RYR3: variants seen among roughly 807,000 people sequenced by gnomAD.
RYR3 encodes the protein brain ryanodine receptor-calcium release channel.
In RYR3, 207 loss-of-function variants were observed where a neutral mutation model predicts 584.3. The observed-to-expected ratio is 0.35, with a 90% confidence interval of 0.32 to 0.40. The LOEUF is 0.40. RYR3 is among the 10% of genes least tolerant of loss of function. RYR3 has a pLI of 1.00. For missense variants in RYR3, 5,616 were observed against 6,089.2 expected, an observed-to-expected ratio of 0.92 and a Z score of 2.59; for synonymous variants, 2,416 against 2,248.5, an observed-to-expected ratio of 1.07 and a Z score of -2.11.
intron 85 of RYR3, among the ~76,000 whole-genome samples, chr15:33,828,874 C>G (rs2077513266): frequency 6.6e-6 from 1 of 152,206 alleles, no homozygotes; most frequent in Admixed American, 6.5e-5. Flanking sequence ...GTACATGAAA[C>G]AGCCTTCTCC....
intron 59 of RYR3, among the ~76,000 whole-genome samples, chr15:33,756,939 G>T (rs1157673104): frequency 6.6e-6 from 1 of 152,138 alleles, no homozygotes; most frequent in Non-Finnish European, 1.5e-5. Context: ...CTGCAAGGGA[G>T]ACTGGGTGAT....
chr15:33,480,795 G>T (rs889274154), intron 2 of RYR3, among the ~76,000 whole-genome samples: 2 of 152,168 alleles, frequency 1.3e-5, no homozygotes, highest in Admixed American at 6.5e-5. Context: ...AATGTTTCAG[G>T]TGTCTTGAAA....
At chr15:33,537,291 T>C (rs1363334543) in intron 5 of RYR3, among the ~76,000 whole-genome samples, 2 of 152,228 alleles carry the variant, frequency 1.3e-5, no homozygotes, top group Non-Finnish European at 2.9e-5. Flanking sequence ...AGCCATCATC[T>C]AGGGAATTTC....
At chr15:33,546,856 G>A (rs1217072109) in intron 8 of RYR3, among the ~76,000 whole-genome samples, 1 of 152,018 alleles carries the variant, frequency 6.6e-6, no homozygotes, top group East Asian at 1.9e-4. Flanking sequence ...ACTAACTCTT[G>A]TCTCTAACAT....
At chr15:33,324,306 G>T (rs982642972) in intron 1 of RYR3, among the ~76,000 whole-genome samples, 1 of 152,132 alleles carries the variant, frequency 6.6e-6, no homozygotes, top group Non-Finnish European at 1.5e-5. Context: ...CTCACAGTAG[G>T]TTACCCTGTA....
intron 3 of RYR3, among the ~76,000 whole-genome samples, chr15:33,520,078 T>C (rs1384377940): frequency 6.6e-6 from 1 of 152,160 alleles, no homozygotes; most frequent in Non-Finnish European, 1.5e-5. Flanking sequence ...AAAAACCCCA[T>C]GTAAGTTGAA....
At chr15:33,543,573 T>C (rs1427892705) in intron 7 of RYR3, 49 bp from the exon 8 acceptor site, 47 of 1,179,896 alleles carry the variant, frequency 4.0e-5, no homozygotes, top group Non-Finnish European at 5.7e-5. Flanking sequence ...TATGCCATTC[T>C]CTTCATTAAA....
At position 33,475,933 on chromosome 15, in the gene RYR3, T is replaced by C. The variant is rs144885477; in HGVS notation, c.171+2395T>C. ...TAAAATAAGGAAAACTAATTACCTT[T>C]CAGGGGGACTGTGAAAATAAAGAGA... is the stretch of plus-strand genomic sequence containing the variant. On this transcript the variant is annotated intron_variant, in intron 2 of 103. Transcript: ENST00000634891. 8.5e-3 allele frequency among the ~76,000 whole-genome samples: 1,290 copies of C among 152,308 alleles called. 12 individuals are homozygous for C. Among genetic ancestry groups the C allele is most frequent in the African/African-American group, 0.029 (1,215 of 41,566 alleles).
chr15:33,789,982 C>CCTT (rs1477277865), intron 67 of RYR3, among the ~76,000 whole-genome samples: 2 of 93,352 alleles, frequency 2.1e-5, no homozygotes, highest in African/African-American at 4.7e-5. Flanking sequence ...CCACGCCTGG[C>CCTT]CTTCTTTTTT....
At chr15:33,772,292 T>G (rs1026669473) in intron 63 of RYR3, 134 bp downstream of exon 63, 14 of 570,788 alleles carry the variant, frequency 2.5e-5, no homozygotes, top group Non-Finnish European at 4.4e-5. Flanking sequence ...TTTCTTAGAT[T>G]AAAAAAGAAG....
intron 32 of RYR3, among the ~76,000 whole-genome samples, chr15:33,659,091 T>G (rs2152700963): frequency 6.6e-6 from 1 of 152,232 alleles, no homozygotes; most frequent in South Asian, 2.1e-4. Flanking sequence ...ATGACTGTGG[T>G]GGGGGCAGAG....
chr15:33,477,677 C>T (rs891300607), intron 2 of RYR3, among the ~76,000 whole-genome samples: 8 of 150,578 alleles, frequency 5.3e-5, no homozygotes, highest in Admixed American at 5.3e-4. Context: ...AGATGGAGAC[C>T]ATCCTGGCTA....
intron 89 of RYR3, 96 bp from the exon 90 acceptor site, chr15:33,840,729 A>G: frequency 9.3e-7 from 1 of 1,074,662 alleles, no homozygotes. Flanking sequence ...AAAGCCATTG[A>G]AATTTGTGAC....
chr15:33,470,341 C>A (rs2048829602), intron 1 of RYR3, among the ~76,000 whole-genome samples: 1 of 151,746 alleles, frequency 6.6e-6, no homozygotes, highest in African/African-American at 2.4e-5. Flanking sequence ...GTGAGGCCTA[C>A]AAAAGGAAAA....
intron 1 of RYR3, among the ~76,000 whole-genome samples, chr15:33,439,327 A>C (rs1241116509): frequency 6.6e-6 from 1 of 152,194 alleles, no homozygotes; most frequent in Non-Finnish European, 1.5e-5. Flanking sequence ...CAGTAAATAT[A>C]CTTGATTTGT....
chr15:33,578,045 C>T (rs1316994426), intron 12 of RYR3, among the ~76,000 whole-genome samples: 1 of 152,154 alleles, frequency 6.6e-6, no homozygotes, highest in African/African-American at 2.4e-5. Context: ...AAATGCAAGT[C>T]AAAACCACAA....
At chr15:33,671,369 A>G (rs967087735) in intron 38 of RYR3, among the ~76,000 whole-genome samples, 4 of 152,324 alleles carry the variant, frequency 2.6e-5, no homozygotes, top group Admixed American at 2.6e-4. Flanking sequence ...CCATCTTGGA[A>G]CACCCTTTCA....
intron 69 of RYR3, among the ~76,000 whole-genome samples, chr15:33,806,491 GA>G (rs60748861): frequency 2.5e-4 from 34 of 135,606 alleles, no homozygotes; most frequent in African/African-American, 5.4e-4. Context: ...TGTCTCTTAA[GA>G]AAAAAAAAAA....
chr15:33,715,154 G>A (rs947375824), intron 43 of RYR3, among the ~76,000 whole-genome samples: 2 of 152,178 alleles, frequency 1.3e-5, no homozygotes, highest in African/African-American at 2.4e-5. Context: ...AGTACAAAGT[G>A]TCATCTTAGC....
Sources: allele counts gnomAD v4.1 joint callset (sites outside exome capture counted in the v4.1 genomes callset), GRCh38; gene constraint gnomAD v4.1.1; transcripts MANE v1.5; gene names NCBI Gene and HGNC (gene_info 2026-07-23, HGNC 2026-07-21).